MAK: variants seen among roughly 807,000 people sequenced by gnomAD.
MAK encodes male germ cell associated kinase, also known as serine/threonine-protein kinase MAK.
MAK carries 65 observed loss-of-function variants against 82.6 expected under a neutral mutation model. The observed-to-expected ratio is 0.79, with a 90% CI of 0.64 to 0.97. The LOEUF (loss-of-function observed/expected upper bound fraction) is 0.97, where lower values mean the gene tolerates loss of function less well. MAK is among the 50% of genes least tolerant of loss of function. The probability of loss-of-function intolerance (pLI) is 0.00; values close to 1 mark genes in which losing one functional copy is unlikely to be tolerated. For synonymous variants in MAK, 250 were observed against 274.2 expected (o/e 0.91, Z 0.87); for missense variants, 703 against 780.2 (o/e 0.90, Z 1.18).
rs1331595685 is a variant in MAK at position 10,764,112 on chromosome 6, A to G, written c.*340T>C. 6 of 244,002 alleles carry G rather than the reference A, an allele frequency of 2.5e-5. No homozygotes were observed. Among genetic ancestry groups the G allele is most frequent in the Admixed American group, 1.0e-4 (2 of 19,312 alleles). The allele number at this position is 244,002 out of a possible 1,614,324, so 15.1% of individuals were successfully genotyped here. ...GGGCACATACAACAAATGAAAACTAAAACACTCTAAACATTTTCTGGAAGT... is the reference window on the plus strand; with the variant it reads ...GGGCACATACAACAAATGAAAACTAGAACACTCTAAACATTTTCTGGAAGT... On this transcript the variant is annotated 3_prime_UTR_variant, in exon 15 of 15. Coordinates refer to ENST00000354489, the MANE Select transcript of MAK (RefSeq NM_001242957.3).
intron 14 of MAK, among the ~76,000 whole-genome samples, chr6:10,768,882 T>C (rs1176187364): frequency 6.6e-6 from 1 of 152,202 alleles, no homozygotes; most frequent in Admixed American, 6.5e-5. Context: ...GTGGTTAGGA[T>C]AGGCTGTGAG....
At chr6:10,787,753 C>T (rs576215907) in intron 10 of MAK, among the ~76,000 whole-genome samples, 30 of 151,002 alleles carry the variant, frequency 2.0e-4, no homozygotes, top group Non-Finnish European at 2.8e-4. Context: ...CCCAGCTACT[C>T]GGGAGGCTGA....
rs1040965585 is a variant in MAK, at chr6:10,779,501, C to A, written c.1466-4042G>T. 14 of 984,556 alleles carry A rather than the reference C, an allele frequency of 1.4e-5. No individual in the cohort carries two copies. In the African/African-American group the frequency reaches 2.4e-4, roughly 17 times the overall value. The allele number at this position is 984,556 out of a possible 1,614,324, so 61.0% of individuals were successfully genotyped here. A position where few individuals can be genotyped will look rare whatever the true frequency, so the allele number is the denominator to read the frequency against. On this transcript the variant is annotated intron_variant, in intron 11 of 14. Coordinates refer to ENST00000354489, the MANE Select transcript of MAK (RefSeq NM_001242957.3). Reference sequence around the variant, plus strand: ...TGTAGTATAATGTCATGCTGCCCTGCAATTATATGGTACATTTCTAGAGCT... The same window carrying A: ...TGTAGTATAATGTCATGCTGCCCTGAAATTATATGGTACATTTCTAGAGCT...
chr6:10,805,983 A>G (rs1776409335), intron 6 of MAK, among the ~76,000 whole-genome samples: 1 of 152,174 alleles, frequency 6.6e-6, no homozygotes, highest in Admixed American at 6.5e-5. Context: ...AAATAAGGTC[A>G]CATTCGCAGG....
chr6:10,821,161 C>T (rs543030350), intron 2 of MAK, among the ~76,000 whole-genome samples: 36 of 152,234 alleles, frequency 2.4e-4, no homozygotes, highest in African/African-American at 7.7e-4. Context: ...GTTGCTCATG[C>T]TAGTCTCAAA....
intron 5 of MAK, among the ~76,000 whole-genome samples, chr6:10,810,345 CTTTTTTTT>C (rs111859354): frequency 6.6e-5 from 8 of 121,668 alleles, no homozygotes; most frequent in Non-Finnish European, 8.5e-5. Context: ...TTATCTTTTT[CTTTTTTTT>C]TTTTTTTTTT....
At chr6:10,808,288 TTGCTGCATGCAGTCA>T (rs1217782033) in intron 6 of MAK, among the ~76,000 whole-genome samples, 1 of 152,202 alleles carries the variant, frequency 6.6e-6, no homozygotes, top group Non-Finnish European at 1.5e-5. Flanking sequence ...TTCGTCCACA[TTGCTGCATGCAGTCA>T]TAGACCCTTC....
intron 14 of MAK, among the ~76,000 whole-genome samples, chr6:10,768,313 A>T (rs2127507960): frequency 6.6e-6 from 1 of 152,326 alleles, no homozygotes; most frequent in East Asian, 1.9e-4. Context: ...GCAGTGGTTC[A>T]TGCCTGTAAT....
intron 4 of MAK, 142 bp downstream of exon 4, chr6:10,817,708 C>T: frequency 3.3e-6 from 2 of 600,644 alleles, no homozygotes; most frequent in South Asian, 2.2e-5. Flanking sequence ...TAAATGTTAC[C>T]CTTTGATAAA....
At chr6:10,811,084 C>T (rs1396412678) in intron 5 of MAK, among the ~76,000 whole-genome samples, 1 of 152,144 alleles carries the variant, frequency 6.6e-6, no homozygotes, top group African/African-American at 2.4e-5. Flanking sequence ...CTGTAATCTC[C>T]GCCTCCCGGG....
At chr6:10,830,455 C>T (rs1000266361) in intron 2 of MAK, 93 bp downstream of exon 2, 38 of 1,065,336 alleles carry the variant, frequency 3.6e-5, no homozygotes, top group Non-Finnish European at 4.8e-5. Context: ...TGAGCCACCG[C>T]GCTGGCCTGT....
At chr6:10,777,417 A>T (rs975481178) in intron 11 of MAK, among the ~76,000 whole-genome samples, 1 of 152,172 alleles carries the variant, frequency 6.6e-6, no homozygotes, top group Non-Finnish European at 1.5e-5. Flanking sequence ...ACAAAAAAAA[A>T]AAAAAATGTA....
At chr6:10,807,336 C>CTTTTTTT (rs35237927) in intron 6 of MAK, among the ~76,000 whole-genome samples, 2 of 73,734 alleles carry the variant, frequency 2.7e-5, no homozygotes, top group Non-Finnish European at 2.4e-5. Flanking sequence ...ACATATATTC[C>CTTTTTTT]TTTTTTTTTT....
intron 7 of MAK, 97 bp downstream of exon 7, chr6:10,803,623 G>A: frequency 2.0e-6 from 2 of 1,006,968 alleles, no homozygotes; most frequent in Non-Finnish European, 3.0e-6. Context: ...AGATATCTAG[G>A]CAAAAGTTGT....
chr6:10,779,837 A>G (rs1195682272), intron 11 of MAK, among the ~76,000 whole-genome samples: 3 of 152,110 alleles, frequency 2.0e-5, no homozygotes, highest in Non-Finnish European at 4.4e-5. Flanking sequence ...GGCACCCGCC[A>G]CCATGCCTGG....
chr6:10,808,603 ATGAG>A (rs1388268239), intron 6 of MAK, among the ~76,000 whole-genome samples: 3 of 152,182 alleles, frequency 2.0e-5, no homozygotes, highest in African/African-American at 7.2e-5. Flanking sequence ...GAATGAATGA[ATGAG>A]TGAATAAATG....
chr6:10,771,478 A>G (rs922476222), intron 13 of MAK, among the ~76,000 whole-genome samples: 28 of 152,200 alleles, frequency 1.8e-4, no homozygotes, highest in Non-Finnish European at 2.9e-4. Context: ...CGACAACCAG[A>G]AGCAATAGGA....
chr6:10,820,328 G>A (rs1777845126), intron 2 of MAK, among the ~76,000 whole-genome samples: 1 of 152,074 alleles, frequency 6.6e-6, no homozygotes, highest in Non-Finnish European at 1.5e-5. Context: ...GAGGCTCTAT[G>A]GGGGTATAAT....
At chr6:10,816,771 T>C (rs1777533055) in intron 4 of MAK, among the ~76,000 whole-genome samples, 2 of 152,186 alleles carry the variant, frequency 1.3e-5, no homozygotes, top group African/African-American at 4.8e-5. Flanking sequence ...TTATTTATTT[T>C]AAATAGTTCA....
Sources: allele counts gnomAD v4.1 joint callset (sites outside exome capture counted in the v4.1 genomes callset), GRCh38; gene constraint gnomAD v4.1.1; transcripts MANE v1.5; gene names NCBI Gene and HGNC (gene_info 2026-07-23, HGNC 2026-07-21).